Variants in MMP26 observed in about 807,000 individuals in gnomAD.
The protein encoded by MMP26 is matrix metallopeptidase 26.
A neutral mutation model predicts 31.0 loss-of-function variants in MMP26; 33 were observed. The ratio of observed to expected loss-of-function variants is 1.06; its 90% CI spans 0.81 to 1.42. The LOEUF (loss-of-function observed/expected upper bound fraction) is 1.42. Among genes scored for constraint, MMP26 ranks in the 40% most tolerant of loss-of-function variants. MMP26 has a pLI of 0.00. For missense variants in MMP26, 347 were observed against 316.1 expected (o/e 1.10, Z -0.74); for synonymous variants, 122 against 114.9 (o/e 1.06, Z -0.40).
At chr11:4,870,808 A>G (rs12793425) in intron 2 of MMP26, among the ~76,000 whole-genome samples, 14,571 of 152,188 alleles carry the variant, frequency 0.096, 893 homozygotes, top group Middle Eastern at 0.19. Context: ...CAGTGGAGTT[A>G]TCAAGTAGGA....
At chr11:4,974,189 C>T (rs774869879) in intron 2 of MMP26, among the ~76,000 whole-genome samples, 107 of 151,782 alleles carry the variant, frequency 7.0e-4, no homozygotes, top group Non-Finnish European at 1.3e-3. Flanking sequence ...ATTATACAGG[C>T]GAACATTATC....
Position 4,989,856 on chromosome 11 carries a change from C to G in MMP26, c.308C>G (p.Thr103Ser). The G allele has an allele frequency of 6.2e-7, 1 of 1,607,814 alleles. No homozygotes were observed. The highest frequency in any genetic ancestry group is 8.5e-7 in the Non-Finnish European group (1 of 1,179,596). Residue 103 changes from threonine to serine, a missense_variant, in exon 4 of 8, where the codon ACT becomes AGT. Physicochemically the swap from Thr to Ser is moderately conservative, Grantham distance 58 (BLOSUM62 1). Transcript: ENST00000380390. ...SPGRCKWNKH[T>S]LTYRIINYPH... ...GGAAGATGCAAGTGGAATAAGCACA[C>G]TCTAACTTACAGGTGCTTGTTACTA...
chr11:4,894,146 G>C (rs543022574), intron 2 of MMP26, among the ~76,000 whole-genome samples: 3 of 151,136 alleles, frequency 2.0e-5, no homozygotes, highest in Non-Finnish European at 4.4e-5. Context: ...AGTAGAGTGG[G>C]TTAAAAGAGA....
chr11:4,795,960 G>A lies in MMP26; in HGVS notation c.-145+28619G>A, dbSNP rs534102431. 2.0e-4 allele frequency among the ~76,000 whole-genome samples: 30 copies of A among 152,220 alleles called. No individual in the cohort carries two copies. The East Asian group carries it at 3.9e-3, about 20-fold the overall frequency. On this transcript the variant is annotated intron_variant, in intron 2 of 7. Transcript: ENST00000380390. ...TTTCATGATTCTGCCTCTTTGAACT[G>A]GGGCCAGTTCTATGCGTCAGAGTTT...
chr11:4,929,954 A>G (rs920394683), intron 2 of MMP26, among the ~76,000 whole-genome samples: 5 of 152,134 alleles, frequency 3.3e-5, no homozygotes, highest in African/African-American at 1.2e-4. Flanking sequence ...AATATGATAA[A>G]AACAATCAAT....
intron 2 of MMP26, among the ~76,000 whole-genome samples, chr11:4,816,035 G>A (rs978771517): frequency 2.0e-5 from 3 of 152,032 alleles, no homozygotes; most frequent in Non-Finnish European, 2.9e-5. Context: ...CTCCCATACC[G>A]CTTTTGCTGT....
intron 1 of MMP26, among the ~76,000 whole-genome samples, chr11:4,762,056 T>C (rs1848574990): frequency 6.6e-6 from 1 of 152,308 alleles, no homozygotes; most frequent in South Asian, 2.1e-4. Context: ...TATTGTTTTA[T>C]TGTTTTCCAG....
chr11:4,988,083 C>T lies in MMP26; in HGVS notation c.-129C>T. 1.3e-6 allele frequency: 1 copy of T among 790,602 alleles called. No homozygotes were observed. Among genetic ancestry groups the T allele is most frequent in the East Asian group, 2.5e-5 (1 of 40,490 alleles). The allele number at this position is 790,602 out of a possible 1,614,324, so 49.0% of individuals were successfully genotyped here. ...CCCTCAGCAGGTATGGATGATGACG[C>T]CACTCACAGATTCAAAGAAAGGGCA... is the stretch of plus-strand genomic sequence containing the variant. On this transcript the variant is annotated 5_prime_UTR_variant, in exon 3 of 8. Coordinates refer to ENST00000380390, the MANE Select transcript of MMP26 (RefSeq NM_021801.5).
intron 2 of MMP26, among the ~76,000 whole-genome samples, chr11:4,899,397 A>T (rs1456436035): frequency 1.3e-5 from 2 of 152,150 alleles, no homozygotes; most frequent in Admixed American, 6.5e-5. Context: ...TGAAACCTCA[A>T]CTGATCTTAT....
At position 4,793,527 on chromosome 11, in the gene MMP26, C is replaced by A. The variant is rs1849060779; in HGVS notation, c.-145+26186C>A. Among the ~76,000 whole-genome samples the A allele has an allele frequency of 3.9e-5, 6 of 152,134 alleles. No homozygotes were observed. In the South Asian group the frequency reaches 1.0e-3, roughly 26 times the overall value. On this transcript the variant is annotated intron_variant, in intron 2 of 7. Coordinates refer to ENST00000380390, the MANE Select transcript of MMP26 (RefSeq NM_021801.5). The stretch of plus-strand genomic sequence containing the variant: ...AAGACATTCTATGTCTGTGTGGAAT[C>A]ATGATAAATTAGACAGCATTTTAAA...
intron 2 of MMP26, among the ~76,000 whole-genome samples, chr11:4,895,617 T>A (rs562776635): frequency 6.6e-6 from 1 of 152,174 alleles, no homozygotes; most frequent in South Asian, 2.1e-4. Flanking sequence ...AGTGCCAACA[T>A]CAAGGGATAG....
chr11:4,796,538 A>T (rs1160582686), intron 2 of MMP26, among the ~76,000 whole-genome samples: 1 of 152,198 alleles, frequency 6.6e-6, no homozygotes, highest in Non-Finnish European at 1.5e-5. Flanking sequence ...TGATCAATAA[A>T]TCTTTCGTAT....
chr11:4,940,516 C>T (rs1184218947), intron 2 of MMP26, among the ~76,000 whole-genome samples: 1 of 152,142 alleles, frequency 6.6e-6, no homozygotes. Flanking sequence ...TGATACTTTG[C>T]TATAAAATCA....
chr11:4,784,131 A>G (rs1017287496), intron 2 of MMP26, among the ~76,000 whole-genome samples: 6 of 152,224 alleles, frequency 3.9e-5, no homozygotes, highest in Non-Finnish European at 8.8e-5. Context: ...CAAAGGCTGG[A>G]GACTGAAGTC....
intron 2 of MMP26, among the ~76,000 whole-genome samples, chr11:4,796,583 A>G (rs1849110690): frequency 6.6e-6 from 1 of 152,216 alleles, no homozygotes; most frequent in Non-Finnish European, 1.5e-5. Flanking sequence ...TCATAAATAT[A>G]CAGACTTTTA....
intron 2 of MMP26, chr11:4,913,863 A>G (rs1393066734): frequency 1.3e-5 from 2 of 152,014 alleles, no homozygotes; most frequent in East Asian, 3.9e-4. Flanking sequence ...TAATGCCTAC[A>G]TTTCCCTTAA....
intron 2 of MMP26, among the ~76,000 whole-genome samples, chr11:4,962,257 A>G (rs998138006): frequency 6.6e-6 from 1 of 152,164 alleles, no homozygotes; most frequent in African/African-American, 2.4e-5. Context: ...AATACACTGA[A>G]TGAATTAAAA....
chr11:4,728,174 C>A (rs1443081284), intron 1 of MMP26, among the ~76,000 whole-genome samples: 1 of 152,142 alleles, frequency 6.6e-6, no homozygotes, highest in Admixed American at 6.5e-5. Context: ...TTTCACATGG[C>A]ATGAAAAATT....
chr11:4,715,184 T>C (rs996134547), intron 1 of MMP26, among the ~76,000 whole-genome samples: 10 of 152,228 alleles, frequency 6.6e-5, no homozygotes, highest in Admixed American at 6.5e-4. Flanking sequence ...GTATTGGGAA[T>C]ATAACGATGA....
Sources: allele counts gnomAD v4.1 joint callset (sites outside exome capture counted in the v4.1 genomes callset), GRCh38; gene constraint gnomAD v4.1.1; transcripts MANE v1.5; gene names NCBI Gene and HGNC (gene_info 2026-07-23, HGNC 2026-07-21).